TBC1D30: variants seen among roughly 807,000 people sequenced by gnomAD.
TBC1D30 encodes the protein TBC1 domain family, member 30.
TBC1D30 carries 31 observed loss-of-function variants against 63.2 expected under a neutral mutation model. That is an observed-to-expected ratio of 0.49 (90% confidence interval 0.37 to 0.66). The LOEUF (loss-of-function observed/expected upper bound fraction) is 0.66. Among genes scored for constraint, TBC1D30 ranks in the 30% least tolerant of loss-of-function variants. The probability of loss-of-function intolerance (pLI) is 0.00; values close to 1 mark genes in which losing one functional copy is unlikely to be tolerated. For missense variants in TBC1D30, 810 were observed against 953.6 expected (o/e 0.85, Z 1.98); for synonymous variants, 307 against 361.5 (o/e 0.85, Z 1.71).
At chr12:64,869,780 A>C (rs1292230137) in intron 10 of TBC1D30, among the ~76,000 whole-genome samples, 1 of 152,210 alleles carries the variant, frequency 6.6e-6, no homozygotes. Flanking sequence ...TACAGTAAAA[A>C]AATGAATTTC....
chr12:64,769,920 A>T (rs117006020), intron 1 of TBC1D30, among the ~76,000 whole-genome samples: 2,056 of 152,356 alleles, frequency 0.013, 29 homozygotes, highest in Non-Finnish European at 0.021. Context: ...CAATTGTAAA[A>T]TTGTAACTGG....
At chr12:64,795,525 T>C (rs763073677) in intron 2 of TBC1D30, among the ~76,000 whole-genome samples, 36 of 152,180 alleles carry the variant, frequency 2.4e-4, no homozygotes, top group Non-Finnish European at 4.9e-4. Flanking sequence ...CCCATATTTC[T>C]TGTCAAGCCT....
intron 10 of TBC1D30, among the ~76,000 whole-genome samples, chr12:64,869,403 T>C (rs985372342): frequency 6.6e-6 from 1 of 152,200 alleles, no homozygotes; most frequent in Admixed American, 6.5e-5. Context: ...GGGCTCATAC[T>C]GTTTTGTGAG....
rs1240900155 is a variant in TBC1D30, at chr12:64,770,183, G to A, written c.-376+10534G>A. On this transcript the variant is annotated intron_variant, in intron 1 of 13. Coordinates refer to the TBC1D30 transcript ENST00000674237. ...TTCTAAAGCTGTGGATATTTGATTT[G>A]CCATGTTGCAGAAGTTTTCAAAAGT... Among the ~76,000 whole-genome samples the A allele has an allele frequency of 2.6e-5, 4 of 152,154 alleles. No individual in the cohort carries two copies. In the South Asian group the frequency reaches 8.3e-4, roughly 32 times the overall value.
chr12:64,807,383 TA>T (rs1014484592), intron 2 of TBC1D30, among the ~76,000 whole-genome samples: 87 of 152,308 alleles, frequency 5.7e-4, no homozygotes, highest in African/African-American at 2.1e-3. Flanking sequence ...GAGAATGGAC[TA>T]ATACAGAGAG....
At chr12:64,819,225 A>G (rs1873736170) in intron 2 of TBC1D30, among the ~76,000 whole-genome samples, 1 of 152,152 alleles carries the variant, frequency 6.6e-6, no homozygotes, top group Non-Finnish European at 1.5e-5. Context: ...CTAAGAAAAG[A>G]AAATCATATA....
intron 1 of TBC1D30, among the ~76,000 whole-genome samples, chr12:64,762,956 G>T (rs541808302): frequency 6.6e-6 from 1 of 151,988 alleles, no homozygotes; most frequent in African/African-American, 2.4e-5. Context: ...TAGGCATTTC[G>T]TGACATTCTG....
chr12:64,813,578 A>G (rs1240188461), intron 2 of TBC1D30, among the ~76,000 whole-genome samples: 2 of 152,184 alleles, frequency 1.3e-5, no homozygotes, highest in Admixed American at 6.5e-5. Context: ...GACTGCCATT[A>G]TATCTAGAAT....
intron 1 of TBC1D30, among the ~76,000 whole-genome samples, chr12:64,771,225 T>C (rs185165583): frequency 6.6e-6 from 1 of 151,878 alleles, no homozygotes; most frequent in East Asian, 1.9e-4. Context: ...TAAGATGCAA[T>C]GTGGTGCAAA....
chr12:64,826,496 C>T (rs117947360), intron 1 of TBC1D30, among the ~76,000 whole-genome samples: 2 of 152,160 alleles, frequency 1.3e-5, no homozygotes. Context: ...ATTATACGCT[C>T]CTCCATTCAG....
At chr12:64,804,026 A>G (rs982392223) in intron 2 of TBC1D30, among the ~76,000 whole-genome samples, 6 of 152,108 alleles carry the variant, frequency 3.9e-5, no homozygotes, top group African/African-American at 1.2e-4. Flanking sequence ...TTTTTTTCCA[A>G]TTCTGTGAAG....
At chr12:64,824,268 T>G (rs1450420493), upstream of TBC1D30, among the ~76,000 whole-genome samples, 1 of 152,180 alleles carries the variant, frequency 6.6e-6, no homozygotes, top group East Asian at 1.9e-4. Context: ...AGGAAATAAT[T>G]CAACGCAATT....
chr12:64,874,937 C>A (rs1878926490), intron 11 of TBC1D30, 64 bp from the exon 12 acceptor site: 3 of 1,446,700 alleles, frequency 2.1e-6, no homozygotes, highest in Non-Finnish European at 2.8e-6. Flanking sequence ...TAAGTGATTT[C>A]TGTTCCAAGA....
chr12:64,763,036 A>G (rs891820618), intron 1 of TBC1D30, among the ~76,000 whole-genome samples: 2 of 151,992 alleles, frequency 1.3e-5, no homozygotes, highest in Non-Finnish European at 2.9e-5. Context: ...GCTCACTGCA[A>G]CCTCCACGTC....
upstream of TBC1D30, among the ~76,000 whole-genome samples, chr12:64,776,964 C>T (rs531677987): frequency 2.6e-5 from 4 of 152,140 alleles, no homozygotes; most frequent in South Asian, 2.1e-4. Context: ...ATACACAAAT[C>T]GATAAATGTG....
chr12:64,862,340 C>A (rs975168820), intron 8 of TBC1D30, among the ~76,000 whole-genome samples: 4 of 152,184 alleles, frequency 2.6e-5, no homozygotes, highest in African/African-American at 9.7e-5. Flanking sequence ...CTACTATAAA[C>A]AACTTTGTTT....
chr12:64,817,572 T>C (rs1445740491), intron 2 of TBC1D30, among the ~76,000 whole-genome samples: 4 of 152,168 alleles, frequency 2.6e-5, no homozygotes, highest in Admixed American at 2.6e-4. Context: ...AGCGAAGGCT[T>C]CCAGACCTGC....
intron 8 of TBC1D30, among the ~76,000 whole-genome samples, chr12:64,851,750 C>G (rs573405359): frequency 7.2e-5 from 11 of 152,110 alleles, no homozygotes; most frequent in Non-Finnish European, 1.6e-4. Context: ...ATTTGCTTGT[C>G]TGGGATTTTA....
intron 8 of TBC1D30, among the ~76,000 whole-genome samples, chr12:64,849,168 G>A (rs556748752): frequency 1.3e-5 from 2 of 152,244 alleles, no homozygotes; most frequent in South Asian, 4.1e-4. Flanking sequence ...GTAGATTCTG[G>A]ATATTAGCCC....
Sources: allele counts gnomAD v4.1 joint callset (sites outside exome capture counted in the v4.1 genomes callset), GRCh38; gene constraint gnomAD v4.1.1; transcripts MANE v1.5; gene names NCBI Gene and HGNC (gene_info 2026-07-23, HGNC 2026-07-21).